Variants in CLEC12A observed in about 807,000 individuals in gnomAD.
CLEC12A encodes the protein C-type lectin protein CLL-1.
A neutral mutation model predicts 26.5 loss-of-function variants in CLEC12A; 22 were observed. The ratio of observed to expected loss-of-function variants is 0.83; its 90% confidence interval spans 0.59 to 1.19. CLEC12A has a LOEUF of 1.19. CLEC12A is among the 50% of genes most tolerant of loss of function. CLEC12A has a pLI of 0.00. For missense variants in CLEC12A, 353 were observed against 315.6 expected, an observed-to-expected ratio of 1.12 and a Z score of -0.90; for synonymous variants, 119 against 101.9, an observed-to-expected ratio of 1.17 and a Z score of -1.01.
intron 2 of CLEC12A, 36 bp from the exon 3 acceptor site, chr12:9,979,300 G>A: frequency 6.8e-7 from 1 of 1,463,682 alleles, no homozygotes. Context: ...GCTCTATTGA[G>A]AATTTACAAT....
At chr12:9,963,221 A>T (rs1863869165) in intron 1 of CLEC12A, among the ~76,000 whole-genome samples, 1 of 152,112 alleles carries the variant, frequency 6.6e-6, no homozygotes. Context: ...GGTTCAGCAT[A>T]ATTACTTACT....
At chr12:9,969,617 A>G (rs1487931697), upstream of CLEC12A, among the ~76,000 whole-genome samples, 4 of 152,198 alleles carry the variant, frequency 2.6e-5, no homozygotes, top group Non-Finnish European at 4.4e-5. Flanking sequence ...TTCATCTTCT[A>G]GTGTTGATTG....
chr12:9,995,508 T>C (rs2137237933), exon 5 of CLEC12A: 1 of 400,010 alleles, frequency 2.5e-6, no homozygotes, highest in South Asian at 2.1e-5. Context: ...TGTATTTAGA[T>C]CTTCAACCAG....
downstream of CLEC12A, among the ~76,000 whole-genome samples, chr12:9,998,608 A>C (rs1241226512): frequency 7.7e-6 from 1 of 130,382 alleles, no homozygotes; most frequent in Non-Finnish European, 1.7e-5. Context: ...TCCAAGCTGA[A>C]ATATTACTTG....
intron 1 of CLEC12A, among the ~76,000 whole-genome samples, chr12:9,974,769 G>T (rs1035542704): frequency 6.6e-6 from 1 of 152,024 alleles, no homozygotes; most frequent in South Asian, 2.1e-4. Context: ...TAATTTTCCC[G>T]AGGTTTCACA....
chr12:9,963,305 G>A (rs982162074), intron 1 of CLEC12A, among the ~76,000 whole-genome samples: 3 of 130,818 alleles, frequency 2.3e-5, no homozygotes, highest in African/African-American at 9.3e-5. Flanking sequence ...GATTTAGGTA[G>A]AAACAACACT....
the CLEC12A span, among the ~76,000 whole-genome samples, chr12:10,003,948 A>G: frequency 6.6e-6 from 1 of 152,138 alleles, no homozygotes; most frequent in Non-Finnish European, 1.5e-5. Context: ...AAGCAGTACC[A>G]TCTAACCTCA....
At chr12:9,979,879 T>A (rs1565560185) in intron 3 of CLEC12A, among the ~76,000 whole-genome samples, 1 of 152,076 alleles carries the variant, frequency 6.6e-6, no homozygotes, top group African/African-American at 2.4e-5. Context: ...ATTCTTAAAT[T>A]TCAGTCAGTG....
chr12:9,972,219 A>T (rs951501443), intron 1 of CLEC12A, among the ~76,000 whole-genome samples: 3 of 152,194 alleles, frequency 2.0e-5, no homozygotes, highest in African/African-American at 7.2e-5. Context: ...ATGTTAAGTT[A>T]AATGAAATGA....
At chr12:9,960,818 A>T (rs968887603) in intron 1 of CLEC12A, among the ~76,000 whole-genome samples, 3 of 152,248 alleles carry the variant, frequency 2.0e-5, no homozygotes, top group Admixed American at 1.3e-4. Flanking sequence ...ACTGAAACTC[A>T]TCAGAGCACC....
At chr12:9,970,441 T>C (rs1482112561), upstream of CLEC12A, among the ~76,000 whole-genome samples, 2 of 152,200 alleles carry the variant, frequency 1.3e-5, no homozygotes, top group East Asian at 3.8e-4. Flanking sequence ...TAATAATACC[T>C]AACCATTTTA....
At chr12:9,977,234 C>T (rs531021053) in intron 1 of CLEC12A, among the ~76,000 whole-genome samples, 1 of 152,148 alleles carries the variant, frequency 6.6e-6, no homozygotes, top group Non-Finnish European at 1.5e-5. Flanking sequence ...CATGGGTCAT[C>T]AAATTCCCTA....
intron 1 of CLEC12A, among the ~76,000 whole-genome samples, chr12:9,964,016 A>G (rs3110950): frequency 0.86 from 130,647 of 152,174 alleles, 56,374 homozygotes; most frequent in Middle Eastern, 0.91. Flanking sequence ...GGAACATCAA[A>G]GTGAAAGGTT....
intron 1 of CLEC12A, among the ~76,000 whole-genome samples, chr12:9,964,794 G>T (rs146868086): frequency 0.022 from 3,319 of 152,238 alleles, 42 homozygotes; most frequent in Middle Eastern, 0.037. Context: ...GGTGTGTGGC[G>T]ATTAGGCCTG....
chr12:9,997,095 C>T (rs1191669494), downstream of CLEC12A: 3 of 1,609,248 alleles, frequency 1.9e-6, no homozygotes, highest in South Asian at 1.1e-5. Flanking sequence ...AAACTCCCTT[C>T]AGTTGCCATC....
downstream of CLEC12A, among the ~76,000 whole-genome samples, chr12:9,988,425 G>C (rs1025058836): frequency 6.6e-6 from 1 of 152,084 alleles, no homozygotes; most frequent in Admixed American, 6.5e-5. Flanking sequence ...GAGTGTACAG[G>C]CAACCTACAA....
chr12:9,998,455 G>T, downstream of CLEC12A: 3 of 1,054,640 alleles, frequency 2.8e-6, no homozygotes, highest in South Asian at 1.3e-5. Flanking sequence ...CCCTGCCCCT[G>T]CCCCTGCCTT....
At chr12:9,996,974 T>C (rs778353311), downstream of CLEC12A, 4 of 1,614,014 alleles carry the variant, frequency 2.5e-6, no homozygotes, top group African/African-American at 5.3e-5. Context: ...CTCCAGTTTG[T>C]GTCACAGGGG....
downstream of CLEC12A, among the ~76,000 whole-genome samples, chr12:9,990,046 A>AC (rs1410467598): frequency 6.6e-6 from 1 of 152,058 alleles, no homozygotes; most frequent in Non-Finnish European, 1.5e-5. Context: ...GAAAAAAAAA[A>AC]GGTCTTTTTT....
Sources: gnomAD v4.1 joint callset for allele counts (sites outside exome capture counted in the v4.1 genomes callset) on GRCh38, gnomAD v4.1.1 for gene constraint, MANE v1.5 for transcripts, NCBI Gene and HGNC (gene_info 2026-07-23, HGNC 2026-07-21) for gene names.